Variants in SMG1 observed in about 807,000 individuals in gnomAD.
SMG1 encodes the protein SMG1 nonsense mediated mRNA decay associated PI3K related kinase, also known as serine/threonine-protein kinase SMG1.
SMG1 carries 22 observed loss-of-function variants against 419.9 expected under a neutral mutation model. The ratio of observed to expected loss-of-function variants is 0.05; its 90% confidence interval spans 0.04 to 0.07. SMG1 has a LOEUF of 0.07. Among genes scored for constraint, SMG1 ranks in the 10% least tolerant of loss-of-function variants. The probability of loss-of-function intolerance (pLI) is 1.00; values close to 1 mark genes in which losing one functional copy is unlikely to be tolerated. For synonymous variants in SMG1, 1,538 were observed against 1,553.5 expected (o/e 0.99, Z 0.23); for missense variants, 3,185 against 4,342.0 (o/e 0.73, Z 7.49).
At chr16:18,886,816 A>G (rs2036631859) in intron 6 of SMG1, among the ~76,000 whole-genome samples, 1 of 152,222 alleles carries the variant, frequency 6.6e-6, no homozygotes, top group Admixed American at 6.5e-5. Context: ...AAAAAGAGAA[A>G]AAGAAAACCA....
At chr16:18,819,715 A>T in intron 55 of SMG1, 61 bp from the exon 56 acceptor site, 1 of 1,422,278 alleles carries the variant, frequency 7.0e-7, no homozygotes, top group African/African-American at 1.4e-5. Flanking sequence ...CTATTTGTGG[A>T]GTATTTTATA....
rs527992233 is a variant in SMG1 at position 18,875,215 on chromosome 16, G to C, written c.1890+909C>G. The C allele has an allele frequency of 3.3e-5, 5 of 152,652 alleles. 1 individual carries two copies. Among genetic ancestry groups the C allele is most frequent in the Admixed American group, 3.3e-4 (5 of 15,292 alleles). The allele number at this position is 152,652 out of a possible 1,614,324, so 9.5% of individuals were successfully genotyped here. ...TTTCCACTTGGGGCATCATACTGGT[G>C]CTCAAAAAGTTTCAAATTTTGGAGC... On this transcript the variant is annotated intron_variant, in intron 13 of 62. Coordinates refer to ENST00000446231, the MANE Select transcript of SMG1 (RefSeq NM_015092.5).
At chr16:18,907,422 T>G (rs1217308652) in intron 1 of SMG1, among the ~76,000 whole-genome samples, 2 of 152,176 alleles carry the variant, frequency 1.3e-5, no homozygotes, top group Non-Finnish European at 2.9e-5. Context: ...AGTGTGTTAT[T>G]ACAGCTCACT....
intron 29 of SMG1, chr16:18,856,704 T>G (rs1005695106): frequency 6.6e-6 from 1 of 152,202 alleles, no homozygotes; most frequent in Non-Finnish European, 1.5e-5. Flanking sequence ...GTCACCGTGT[T>G]TGATGTCAGT....
intron 1 of SMG1, among the ~76,000 whole-genome samples, chr16:18,909,040 C>G (rs1267237001): frequency 6.6e-6 from 1 of 151,498 alleles, no homozygotes; most frequent in Non-Finnish European, 1.5e-5. Flanking sequence ...TATGTTAAAT[C>G]TTCTCTTTAA....
Position 18,809,775 on chromosome 16 carries a change from A to T in SMG1, c.10909-129T>A, listed in dbSNP as rs945196036. 4 of 635,724 alleles carry T rather than the reference A, an allele frequency of 6.3e-6. No individual in the cohort carries two copies. The African/African-American group carries it at 7.4e-5, about 12-fold the overall frequency. The allele number at this position is 635,724 out of a possible 1,614,324, so 39.4% of individuals were successfully genotyped here. On this transcript the variant is annotated intron_variant, in intron 62 of 62. Coordinates refer to ENST00000446231, the MANE Select transcript of SMG1 (RefSeq NM_015092.5). ...ACTCTATACTTACCCTGCTCCTGTA[A>T]GCCCCTTAATTTTCATATAAAATGT...
At chr16:18,848,368 A>T (rs1461393120) in intron 36 of SMG1, among the ~76,000 whole-genome samples, 1 of 145,954 alleles carries the variant, frequency 6.9e-6, no homozygotes, top group East Asian at 2.0e-4. Context: ...CCCAGGTTGG[A>T]GTACAGTGGC....
chr16:18,887,605 C>T (rs1185183602), intron 6 of SMG1, among the ~76,000 whole-genome samples: 1 of 130,618 alleles, frequency 7.7e-6, no homozygotes, highest in Non-Finnish European at 1.6e-5. Flanking sequence ...TCACCAGCCT[C>T]AGCCTCCCAC....
In SMG1 at chr16:18,901,998, G is replaced by A. The variant is rs571807618; in HGVS notation, c.93-5042C>T. Among the ~76,000 whole-genome samples, 261 of 151,364 alleles carry A rather than the reference G, an allele frequency of 1.7e-3. 2 individuals are homozygous for A. Among genetic ancestry groups the A allele is most frequent in the African/African-American group, 6.2e-3 (257 of 41,216 alleles). Reference sequence around the variant, plus strand: ...GGGAAGGTGTCCTTGTTCATCTGGGGGTTTTAGGCCACAGCAGAGTCTAAT... The same window carrying A: ...GGGAAGGTGTCCTTGTTCATCTGGGAGTTTTAGGCCACAGCAGAGTCTAAT... On this transcript the variant is annotated intron_variant, in intron 1 of 62. Coordinates refer to ENST00000446231, the MANE Select transcript of SMG1 (RefSeq NM_015092.5).
chr16:18,917,044 C>T (rs2038009782), intron 1 of SMG1, among the ~76,000 whole-genome samples: 1 of 152,084 alleles, frequency 6.6e-6, no homozygotes, highest in Non-Finnish European at 1.5e-5. Context: ...TAAAAAGTAT[C>T]ACTTTAGTAA....
In SMG1 at chr16:18,882,200, G is replaced by A. The variant is rs765183023; in HGVS notation, c.1258C>T (p.Arg420Trp). The change falls in exon 10 of 63, where the codon CGG (arginine) becomes TGG (tryptophan). Residue 420 changes from arginine (R) to tryptophan (W), a missense_variant. Arg to Trp is a moderately radical substitution (Grantham distance 101). Coordinates refer to ENST00000446231, the MANE Select transcript of SMG1 (RefSeq NM_015092.5). ...RSIGERFSPI[R>W]GPPITEAYVT... ...TATGCCTCAGTAATTGGAGGACCCC[G>A]AATTGGGCTGAAGCGTTCCCCAATG... 2.3e-5 allele frequency: 36 copies of A among 1,589,386 alleles called. No individual in the cohort carries two copies. The highest frequency in any genetic ancestry group is 2.9e-5 in the Non-Finnish European group (34 of 1,169,178).
intron 56 of SMG1, among the ~76,000 whole-genome samples, 181 bp from the exon 57 acceptor site, chr16:18,817,651 A>C (rs1446245944): frequency 6.6e-6 from 1 of 152,230 alleles, no homozygotes; most frequent in African/African-American, 2.4e-5. Flanking sequence ...ATGTACATTT[A>C]TACTGACACT....
chr16:18,838,742 T>A (rs2033734408), intron 42 of SMG1, 53 bp from the exon 43 acceptor site: 4 of 1,196,052 alleles, frequency 3.3e-6, no homozygotes, highest in Non-Finnish European at 3.6e-6. Context: ...GAAATTTCCC[T>A]CCAACATGGA....
chr16:18,883,898 G>A (rs941775056), intron 9 of SMG1, among the ~76,000 whole-genome samples, 172 bp downstream of exon 9: 13 of 143,522 alleles, frequency 9.1e-5, no homozygotes, highest in African/African-American at 3.2e-4. Flanking sequence ...CAGCCTGGGT[G>A]ACAGAGCGAG....
At chr16:18,876,745 G>T (rs968067087) in intron 12 of SMG1, among the ~76,000 whole-genome samples, 3 of 150,820 alleles carry the variant, frequency 2.0e-5, no homozygotes, top group Admixed American at 1.3e-4. Context: ...AATCTACCAG[G>T]AAAGTCTGTG....
chr16:18,904,896 C>T (rs1199406883), intron 1 of SMG1, among the ~76,000 whole-genome samples: 9 of 151,976 alleles, frequency 5.9e-5, no homozygotes, highest in Non-Finnish European at 1.0e-4. Context: ...GATTGCACCA[C>T]TGCATTCCAG....
Position 18,842,474 on chromosome 16 carries a change from G to A in SMG1, c.6220-20C>T. On this transcript the variant is annotated intron_variant, in intron 39 of 62. Coordinates refer to ENST00000446231, the MANE Select transcript of SMG1 (RefSeq NM_015092.5). ...CATTATCTATATTCATAAGATGGGAGAAACAAATTTACATTACATTAGAAC... is the reference window on the plus strand; with the variant it reads ...CATTATCTATATTCATAAGATGGGAAAAACAAATTTACATTACATTAGAAC... 1.2e-6 allele frequency: 2 copies of A among 1,605,216 alleles called. No homozygotes were observed. The highest frequency in any genetic ancestry group is 1.7e-6 in the Non-Finnish European group (2 of 1,174,108).
At chr16:18,877,483 G>T (rs932915962) in intron 11 of SMG1, 67 of 336,010 alleles carry the variant, frequency 2.0e-4, no homozygotes, top group South Asian at 1.1e-3. Context: ...GAACATAAAA[G>T]ATTTTTAGGG....
At chr16:18,912,866 T>C (rs774187472) in intron 1 of SMG1, among the ~76,000 whole-genome samples, 2 of 152,132 alleles carry the variant, frequency 1.3e-5, no homozygotes, top group East Asian at 3.9e-4. Context: ...AAATGTTAAA[T>C]CTCAAATTTC....
Sources: allele counts gnomAD v4.1 joint callset (sites outside exome capture counted in the v4.1 genomes callset), GRCh38; gene constraint gnomAD v4.1.1; transcripts MANE v1.5; gene names NCBI Gene and HGNC (gene_info 2026-07-23, HGNC 2026-07-21).